The following AGO3 variants were observed in gnomAD, a reference collection of about 807,000 sequenced individuals.
AGO3 encodes the protein protein argonaute-3.
Under a neutral mutation model 105.5 loss-of-function variants are expected in AGO3, and 16 were observed. That is an observed-to-expected ratio of 0.15 (90% CI 0.10 to 0.23). AGO3 has a LOEUF of 0.23. AGO3 is among the 10% of genes least tolerant of loss of function. The probability of loss-of-function intolerance (pLI) is 1.00; values close to 1 mark genes in which losing one functional copy is unlikely to be tolerated. For missense variants in AGO3, 534 were observed against 1,088.0 expected, an observed-to-expected ratio of 0.49 and a Z score of 7.16; for synonymous variants, 340 against 367.3, an observed-to-expected ratio of 0.93 and a Z score of 0.85.
At chr1:35,974,639 T>C (rs767131300) in intron 5 of AGO3, among the ~76,000 whole-genome samples, 1 of 152,216 alleles carries the variant, frequency 6.6e-6, no homozygotes, top group Non-Finnish European at 1.5e-5. Flanking sequence ...AATCAGTAGA[T>C]TCAGAGATCT....
intron 17 of AGO3, among the ~76,000 whole-genome samples, chr1:36,049,153 C>T (rs1414250507): frequency 6.6e-6 from 1 of 152,146 alleles, no homozygotes; most frequent in African/African-American, 2.4e-5. Flanking sequence ...AAACATTGAG[C>T]ACACATGGAC....
At chr1:36,000,218 G>A (rs1475912044) in intron 5 of AGO3, among the ~76,000 whole-genome samples, 1 of 151,998 alleles carries the variant, frequency 6.6e-6, no homozygotes. Flanking sequence ...TATATATGTA[G>A]GTTTATTAAA....
chr1:36,002,143 CT>C (rs766991497), intron 5 of AGO3, among the ~76,000 whole-genome samples: 41 of 152,102 alleles, frequency 2.7e-4, no homozygotes, highest in South Asian at 6.2e-4. Flanking sequence ...CCTTAGCCTT[CT>C]GAGTAGCTGG....
At chr1:36,010,086 A>G (rs992038408) in intron 9 of AGO3, among the ~76,000 whole-genome samples, 2 of 151,782 alleles carry the variant, frequency 1.3e-5, no homozygotes, top group African/African-American at 2.4e-5. Context: ...CTACAGGCGC[A>G]TGCCACCACG....
intron 3 of AGO3, 115 bp from the exon 4 acceptor site, chr1:35,971,909 G>T: frequency 2.1e-6 from 2 of 950,810 alleles, no homozygotes; most frequent in Non-Finnish European, 3.1e-6. Context: ...GTATATTTTA[G>T]TCTATTGACT....
chr1:36,013,885 T>C (rs1346697125), intron 10 of AGO3, 30 bp from the exon 11 acceptor site: 4 of 1,601,196 alleles, frequency 2.5e-6, no homozygotes, highest in Non-Finnish European at 3.4e-6. Context: ...TTGTTCTTTT[T>C]CACCATGTTA....
intron 11 of AGO3, among the ~76,000 whole-genome samples, chr1:36,024,378 C>T (rs1641394345): frequency 6.6e-6 from 1 of 152,090 alleles, no homozygotes; most frequent in Non-Finnish European, 1.5e-5. Context: ...CTTAAGCAGT[C>T]CTCCTGCCTT....
At chr1:35,978,981 T>C (rs1647001372) in intron 5 of AGO3, among the ~76,000 whole-genome samples, 1 of 152,340 alleles carries the variant, frequency 6.6e-6, no homozygotes, top group African/African-American at 2.4e-5. Flanking sequence ...GCTTGAAATA[T>C]TGTTTGAGAG....
At chr1:35,962,825 CTTT>C (rs1181866400) in intron 2 of AGO3, among the ~76,000 whole-genome samples, 4 of 152,098 alleles carry the variant, frequency 2.6e-5, no homozygotes, top group Non-Finnish European at 5.9e-5. Context: ...CATAATTTAT[CTTT>C]TTGACTTTGT....
chr1:36,024,427 G>A (rs61100958), intron 11 of AGO3, among the ~76,000 whole-genome samples: 2,324 of 152,100 alleles, frequency 0.015, 48 homozygotes, highest in African/African-American at 0.053. Context: ...GTGAGCCACC[G>A]CACTCTGCCG....
intron 2 of AGO3, among the ~76,000 whole-genome samples, chr1:35,958,958 A>G (rs1646626172): frequency 6.6e-6 from 1 of 152,174 alleles, no homozygotes; most frequent in Non-Finnish European, 1.5e-5. Context: ...TTTTGGGGAA[A>G]ATATTCTTTC....
rs1641910561 is a variant in AGO3, at chr1:36,034,277, C to T, written c.1695C>T (p.Cys565=). The T allele has an allele frequency of 6.2e-7, 1 of 1,610,524 alleles. No individual in the cohort carries two copies. Among genetic ancestry groups the T allele is most frequent in the Non-Finnish European group, 8.5e-7 (1 of 1,178,458 alleles). ...CTCCTCAAACTCTGTCAAACTTGTG[C>T]CTAAAGATAAATGTTAAACTCGGAG... ...KTSPQTLSNL[C]LKINVKLGGI... The change falls in exon 13 of 19, where the codon TGC becomes TGT. Residue 565 remains cysteine, a synonymous_variant. Transcript: ENST00000373191.
In AGO3 at chr1:36,061,676, T is replaced by C. The variant is rs1044002033; in HGVS notation, c.*5931T>C. On this transcript the variant is annotated 3_prime_UTR_variant, in exon 19 of 19. Transcript: ENST00000373191. ...TAACCAGAATCTAATGTATCTATGTTAGGGTCTCAGTAAAGCAAAGACGTT... is the reference window on the plus strand; with the variant it reads ...TAACCAGAATCTAATGTATCTATGTCAGGGTCTCAGTAAAGCAAAGACGTT... 6.6e-6 allele frequency: 1 copy of C among 152,214 alleles called. No individual in the cohort carries two copies. Among genetic ancestry groups the C allele is most frequent in the Non-Finnish European group, 1.5e-5 (1 of 68,040 alleles). 9.4% of individuals were successfully genotyped at this position (152,214 alleles called of 1,614,324 possible).
intron 5 of AGO3, among the ~76,000 whole-genome samples, chr1:35,975,399 CT>C (rs11289689): frequency 0.12 from 18,167 of 151,810 alleles, 2,838 homozygotes; most frequent in East Asian, 0.69. Flanking sequence ...ATCTTTTGCC[CT>C]TTTTTTTCTA....
At chr1:36,036,382 T>C (rs755392284) in intron 14 of AGO3, 115 bp downstream of exon 14, 26 of 1,019,022 alleles carry the variant, frequency 2.6e-5, no homozygotes, top group Middle Eastern at 2.7e-4. Flanking sequence ...AAATGTTCTT[T>C]GGGTTTTTGA....
At position 36,059,944 on chromosome 1, in the gene AGO3, T is replaced by C. The variant is rs1475603604; in HGVS notation, c.*4199T>C. The C allele has an allele frequency of 6.6e-6, 1 of 152,222 alleles. No homozygotes were observed. The highest frequency in any genetic ancestry group is 2.4e-5 in the African/African-American group (1 of 41,460). The allele number at this position is 152,222 out of a possible 1,614,324, so 9.4% of individuals were successfully genotyped here. ...CCTCAGCCTCTTCAGTACTGGTTTT[T>C]TGGCACATTTCAACAGAAATATTAG... On this transcript the variant is annotated 3_prime_UTR_variant, in exon 19 of 19. Coordinates refer to ENST00000373191, the MANE Select transcript of AGO3 (RefSeq NM_024852.4).
chr1:36,049,532 A>G (rs1267140293), intron 17 of AGO3, among the ~76,000 whole-genome samples: 1 of 151,666 alleles, frequency 6.6e-6, no homozygotes, highest in African/African-American at 2.4e-5. Flanking sequence ...AAAAAAAAAG[A>G]AAAGAAAAAC....
intron 12 of AGO3, among the ~76,000 whole-genome samples, chr1:36,029,794 G>T (rs750331873): frequency 9.9e-5 from 15 of 150,936 alleles, no homozygotes; most frequent in Non-Finnish European, 1.6e-4. Context: ...CCAGGTTCAA[G>T]CTGTTCTTCT....
At chr1:36,019,128 T>C (rs534442621) in intron 11 of AGO3, among the ~76,000 whole-genome samples, 9 of 152,128 alleles carry the variant, frequency 5.9e-5, no homozygotes, top group Non-Finnish European at 8.8e-5. Context: ...TTCTATATCA[T>C]GAAGGGTTTG....
Sources: allele counts gnomAD v4.1 joint callset (sites outside exome capture counted in the v4.1 genomes callset), GRCh38; gene constraint gnomAD v4.1.1; transcripts MANE v1.5; gene names NCBI Gene and HGNC (gene_info 2026-07-23, HGNC 2026-07-21).